Variants in TACC1 observed in about 807,000 individuals in gnomAD.
TACC1 encodes the protein transforming acidic coiled-coil containing protein 1.
A neutral mutation model predicts 84.4 loss-of-function variants in TACC1; 48 were observed. That is an observed-to-expected ratio of 0.57 (90% confidence interval 0.45 to 0.72). The LOEUF is 0.72. Among genes scored for constraint, TACC1 ranks in the 30% least tolerant of loss-of-function variants. TACC1 has a pLI of 0.00. For missense variants in TACC1, 920 were observed against 973.0 expected (o/e 0.95, Z 0.72); for synonymous variants, 372 against 376.3 (o/e 0.99, Z 0.13).
intron 3 of TACC1, 91 bp from the exon 4 acceptor site, chr8:38,825,217 A>C: frequency 7.3e-7 from 1 of 1,377,696 alleles, no homozygotes; most frequent in South Asian, 1.2e-5. Context: ...TTTGGCTTCT[A>C]TCCGCACACA....
At chr8:38,839,650 A>G in intron 8 of TACC1, 1 of 232,976 alleles carries the variant, frequency 4.3e-6, no homozygotes, top group Non-Finnish European at 8.3e-6. Context: ...TGCGACTCAC[A>G]GAGCACCCAG....
rs1809929937 is a variant in TACC1, at chr8:38,755,831, A to ATTG, written c.26+10338_26+10339insTTG. Among the ~76,000 whole-genome samples the ATTG allele has an allele frequency of 2.0e-5, 3 of 151,190 alleles. No homozygotes were observed. In the East Asian group the frequency reaches 5.9e-4, roughly 30 times the overall value. On this transcript the variant is annotated intron_variant, in intron 3 of 14. Transcript: ENST00000518415. Reference sequence around the variant, plus strand: ...AGAGATCATTATTATTATTATTATTAGAGATGAAGTTGTGCTCTTGTTGCC... The same window carrying ATTG: ...AGAGATCATTATTATTATTATTATTATTGGAGATGAAGTTGTGCTCTTGTTGCC...
chr8:38,836,473 C>T (rs1830259284), intron 7 of TACC1, among the ~76,000 whole-genome samples, 186 bp downstream of exon 7: 1 of 152,128 alleles, frequency 6.6e-6, no homozygotes, highest in African/African-American at 2.4e-5. Context: ...ATTCTGGTCT[C>T]CAGGGTAAAA....
intron 2 of TACC1, among the ~76,000 whole-genome samples, chr8:38,790,457 A>C (rs1000668839): frequency 2.0e-5 from 3 of 152,194 alleles, no homozygotes; most frequent in African/African-American, 7.2e-5. Flanking sequence ...CTTTTGTAAA[A>C]GGCTCCCTGG....
chr8:38,762,598 T>G (rs1472795855), intron 3 of TACC1, among the ~76,000 whole-genome samples: 1 of 151,648 alleles, frequency 6.6e-6, no homozygotes. Flanking sequence ...ACTCTGCCAC[T>G]GATGCTGGAG....
At chr8:38,733,983 C>T (rs1007873879) in intron 1 of TACC1, among the ~76,000 whole-genome samples, 4 of 152,026 alleles carry the variant, frequency 2.6e-5, no homozygotes, top group Admixed American at 6.6e-5. Context: ...CACTGTAAAC[C>T]GTTCTCATTC....
intron 1 of TACC1, among the ~76,000 whole-genome samples, chr8:38,735,149 C>A (rs999252502): frequency 1.3e-5 from 2 of 152,218 alleles, no homozygotes; most frequent in African/African-American, 4.8e-5. Flanking sequence ...AGCATGAGAT[C>A]TGCTTTTAGA....
At chr8:38,773,577 GCTATCTAT>G (rs1027512255) in intron 3 of TACC1, among the ~76,000 whole-genome samples, 1 of 147,396 alleles carries the variant, frequency 6.8e-6, no homozygotes, top group African/African-American at 2.7e-5. Flanking sequence ...TATCTAGCTA[GCTATCTAT>G]CTAGCTATCT....
intron 5 of TACC1, 48 bp downstream of exon 5, chr8:38,827,423 G>C: frequency 6.3e-7 from 1 of 1,587,752 alleles, no homozygotes. Context: ...GCATGGAAAT[G>C]CCTGAAAGCC....
intron 8 of TACC1, 66 bp from the exon 9 acceptor site, chr8:38,840,158 G>A: frequency 1.6e-6 from 2 of 1,231,196 alleles, no homozygotes; most frequent in Non-Finnish European, 2.4e-6. Flanking sequence ...GTTTGGGACA[G>A]CATTTCTCCA....
In TACC1 at chr8:38,851,833, G is replaced by A; in HGVS notation, c.*3810G>A. 4.5e-6 allele frequency: 2 copies of A among 440,114 alleles called. No individual in the cohort carries two copies. Among genetic ancestry groups the A allele is most frequent in the South Asian group, 1.6e-5 (1 of 62,670 alleles). 27.3% of individuals were successfully genotyped at this position (440,114 alleles called of 1,614,324 possible). ...TATTTGCTTATGAAAGAACAATATA[G>A]TCTGGGAATCCCAGAATGTCAAGCC... On this transcript the variant is annotated 3_prime_UTR_variant, in exon 13 of 13. Transcript: ENST00000317827.
In TACC1 at chr8:38,815,483, G is replaced by T. The variant is rs556884069; in HGVS notation, c.278-4039G>T. Among the ~76,000 whole-genome samples, 86 of 152,118 alleles carry T rather than the reference G, an allele frequency of 5.7e-4. 1 individual carries two copies. In the Middle Eastern group the frequency reaches 0.01, roughly 18 times the overall value. On this transcript the variant is annotated intron_variant, in intron 2 of 12. Transcript: ENST00000317827. ...TGCCCAGACTGGAGTGCAGTGGTGC[G>T]ATCTCGGCTCACTGCAACCTCTGCC...
At chr8:38,799,656 T>TATA (rs1393605346) in intron 2 of TACC1, 1 of 152,226 alleles carries the variant, frequency 6.6e-6, no homozygotes, top group African/African-American at 2.4e-5. Flanking sequence ...GCTTGACAAT[T>TATA]ATAACTCTAG....
Position 38,852,635 on chromosome 8 carries a change from G to T in TACC1, c.*4612G>T, listed in dbSNP as rs764528681. 1 of 152,670 alleles carries T rather than the reference G, an allele frequency of 6.6e-6. No individual in the cohort carries two copies. 9.5% of individuals were successfully genotyped at this position (152,670 alleles called of 1,614,324 possible). Reference sequence around the variant, plus strand: ...GCCTCAGCCTCGGTCCTTCTCAGCCGTCGGGATAGGATCCAGGCATTTCTT... The same window carrying T: ...GCCTCAGCCTCGGTCCTTCTCAGCCTTCGGGATAGGATCCAGGCATTTCTT... On this transcript the variant is annotated 3_prime_UTR_variant, in exon 13 of 13. Coordinates refer to ENST00000317827, the MANE Select transcript of TACC1 (RefSeq NM_006283.3).
chr8:38,785,714 T>C (rs528353070), upstream of TACC1: 1 of 985,478 alleles, frequency 1.0e-6, no homozygotes, highest in East Asian at 1.1e-4. Context: ...CCTGGGGGAC[T>C]GTAGAACCTG....
Position 38,840,083 on chromosome 8 carries a change from A to C in TACC1, c.1917-141A>C, listed in dbSNP as rs1346468222. 1.4e-5 allele frequency: 5 copies of C among 351,062 alleles called. No individual in the cohort carries two copies. The East Asian group carries it at 2.4e-4, about 17-fold the overall frequency. 21.7% of individuals were successfully genotyped at this position (351,062 alleles called of 1,614,324 possible). ...GTAAAAAAAAAAAAAAAAAAAAGATAACGAGAGCCCCAAAGCAGATAAATG... is the reference window on the plus strand; with the variant it reads ...GTAAAAAAAAAAAAAAAAAAAAGATCACGAGAGCCCCAAAGCAGATAAATG... On this transcript the variant is annotated intron_variant, in intron 8 of 12. Coordinates refer to ENST00000317827, the MANE Select transcript of TACC1 (RefSeq NM_006283.3).
In TACC1 at chr8:38,838,686, G is replaced by A. The variant is rs976073905; in HGVS notation, c.1916+140G>A. The A allele has an allele frequency of 6.2e-6, 4 of 648,858 alleles. No individual in the cohort carries two copies. The African/African-American group carries it at 7.3e-5, about 12-fold the overall frequency. The allele number at this position is 648,858 out of a possible 1,614,324, so 40.2% of individuals were successfully genotyped here. The stretch of plus-strand genomic sequence containing the variant: ...GGCTTTGCTGTTTGCACCTTGCTTT[G>A]TGATTGAGAATGTTATTTCAGGAGT... On this transcript the variant is annotated intron_variant, in intron 8 of 12. Transcript: ENST00000317827.
At chr8:38,757,375 G>T (rs1450569389) in intron 3 of TACC1, 2 of 1,261,942 alleles carry the variant, frequency 1.6e-6, no homozygotes, top group South Asian at 2.5e-5. Flanking sequence ...CCGGGAACCC[G>T]CCGGGGAGAG....
intron 2 of TACC1, among the ~76,000 whole-genome samples, chr8:38,805,127 T>G (rs551813279): frequency 5.3e-5 from 8 of 152,322 alleles, no homozygotes; most frequent in African/African-American, 1.9e-4. Flanking sequence ...TGGCTAGCAT[T>G]GAGAGCAGCT....
Sources: allele counts gnomAD v4.1 joint callset (sites outside exome capture counted in the v4.1 genomes callset), GRCh38; gene constraint gnomAD v4.1.1; transcripts MANE v1.5; gene names NCBI Gene and HGNC (gene_info 2026-07-23, HGNC 2026-07-21).